ENKUR: variants seen among roughly 807,000 people sequenced by gnomAD.
ENKUR encodes enkurin.
ENKUR carries 19 observed loss-of-function variants against 27.6 expected under a neutral mutation model. The ratio of observed to expected loss-of-function variants is 0.69; its 90% CI spans 0.48 to 1.01. The LOEUF (loss-of-function observed/expected upper bound fraction) is 1.01, where lower values mean the gene tolerates loss of function less well. Among genes scored for constraint, ENKUR ranks in the 50% least tolerant of loss-of-function variants. The pLI is 0.00. For missense variants in ENKUR, 312 were observed against 310.5 expected, an observed-to-expected ratio of 1.00 and a Z score of -0.04; for synonymous variants, 117 against 96.9, an observed-to-expected ratio of 1.21 and a Z score of -1.22.
rs1849904816 is a variant in ENKUR at position 24,990,544 on chromosome 10, GTCT to G, written c.510_512del (p.Glu170del). The stretch of plus-strand genomic sequence containing the variant: ...GGTTTTCCTGGATATAACGATCATA[GTCT>G]TCTTGGGCTTTCTTTATTTCCTCGT... On this transcript the variant is annotated inframe_deletion, in exon 4 of 6. Transcript: ENST00000331161. 3.7e-6 allele frequency: 6 copies of G among 1,613,930 alleles called. No homozygotes were observed. The East Asian group carries it at 1.3e-4, about 36-fold the overall frequency.
Position 25,058,912 on chromosome 10 carries a change from C to T in ENKUR, c.37+2200G>A, listed in dbSNP as rs568867832. On this transcript the variant is annotated intron_variant, in intron 2 of 5. Transcript: ENST00000615958. ...TGCCACTGCACTCCAACCTAGGTGA[C>T]GGAGTGAGACTCCATCTTAAAAAAA... 4.2e-3 allele frequency among the ~76,000 whole-genome samples: 587 copies of T among 138,534 alleles called. 6 individuals are homozygous for T. The highest frequency in any genetic ancestry group is 0.015 in the African/African-American group (530 of 35,790). 90.9% of individuals were successfully genotyped at this position (138,534 alleles called of 152,430 possible).
intron 1 of ENKUR, among the ~76,000 whole-genome samples, chr10:25,011,768 G>A (rs551092631): frequency 1.3e-5 from 2 of 152,230 alleles, no homozygotes; most frequent in African/African-American, 4.8e-5. Context: ...GAGCATAAAA[G>A]TTCAGAAAAT....
chr10:25,055,483 A>G (rs765962762), intron 2 of ENKUR, among the ~76,000 whole-genome samples: 3 of 144,006 alleles, frequency 2.1e-5, no homozygotes, highest in Admixed American at 7.1e-5. Flanking sequence ...GCTTCCCTGT[A>G]GTATAATCTC....
At chr10:25,027,114 G>A (rs1446496875) in intron 2 of ENKUR, among the ~76,000 whole-genome samples, 3 of 151,872 alleles carry the variant, frequency 2.0e-5, no homozygotes, top group Admixed American at 2.0e-4. Context: ...CAGCACTTTG[G>A]GAGGCTGAGG....
rs990631869 is a variant in ENKUR, at chr10:24,990,809, A to G, written c.448-200T>C. ...TCCTGCCTTTTAAAATGGAGTTGTT[A>G]TTGCCCAGGCATAGTGGCTCACACC... On this transcript the variant is annotated intron_variant, in intron 3 of 5. Coordinates refer to ENST00000331161, the MANE Select transcript of ENKUR (RefSeq NM_145010.4). 3.3e-5 allele frequency among the ~76,000 whole-genome samples: 5 copies of G among 152,042 alleles called. No individual in the cohort carries two copies. The South Asian group carries it at 1.0e-3, about 32-fold the overall frequency.
At chr10:25,024,647 G>C (rs1850804810) in intron 2 of ENKUR, 1 of 1,614,196 alleles carries the variant, frequency 6.2e-7, no homozygotes, top group East Asian at 2.2e-5. Flanking sequence ...AACTGGGGCC[G>C]ACTACTTCCG....
At chr10:25,020,408 C>G (rs1321043240), upstream of ENKUR, among the ~76,000 whole-genome samples, 1 of 151,956 alleles carries the variant, frequency 6.6e-6, no homozygotes, top group African/African-American at 2.4e-5. Context: ...TGTTTCCTTA[C>G]AATCTACTTT....
rs5783912 is a variant in ENKUR, at chr10:24,984,382, GA to G, written c.765-7del. 7.3e-3 allele frequency: 10,120 copies of G among 1,395,290 alleles called. 2 individuals carry two copies. The highest frequency in any genetic ancestry group is 8.6e-3 in the Middle Eastern group (39 of 4,540). The allele number at this position is 1,395,290 out of a possible 1,614,324, so 86.4% of individuals were successfully genotyped here. A position where few individuals can be genotyped will look rare whatever the true frequency, so the allele number is the denominator to read the frequency against. ...TGTGCTGTTGGTATCATGCGCTGCA[GA>G]AAAAAAAAAAAAAAAGTGAAGTTCT... On this transcript the variant is annotated splice_polypyrimidine_tract_variant and splice_region_variant and intron_variant, in intron 5 of 5. Transcript: ENST00000331161.
chr10:25,035,307 T>C (rs920512453), intron 2 of ENKUR, among the ~76,000 whole-genome samples: 2 of 152,124 alleles, frequency 1.3e-5, no homozygotes, highest in African/African-American at 4.8e-5. Flanking sequence ...GTAATTCCAG[T>C]ACGTGGGGAG....
Position 24,984,786 on chromosome 10 carries a change from T to C in ENKUR, c.714A>G (p.Glu238=), listed in dbSNP as rs777755940. 2 of 1,613,876 alleles carry C rather than the reference T, an allele frequency of 1.2e-6. No individual in the cohort carries two copies. Among genetic ancestry groups the C allele is most frequent in the East Asian group, 4.5e-5 (2 of 44,858 alleles). ...GCTTTTCAATTATGCCAATGTCGTG[T>C]TCTAGTTGTTTCATTTCTTCTTCCA... The part of the protein sequence containing the change: ...QRLEEEMKQL[E]HDIGIIEKHK... The change falls in exon 5 of 6, where the codon GAA becomes GAG. Residue 238 remains glutamate, a synonymous_variant. Coordinates refer to ENST00000331161, the MANE Select transcript of ENKUR (RefSeq NM_145010.4).
chr10:25,010,065 A>C (rs183885643), intron 1 of ENKUR, among the ~76,000 whole-genome samples: 1 of 152,310 alleles, frequency 6.6e-6, no homozygotes, highest in East Asian at 1.9e-4. Flanking sequence ...AGAGGTTGGA[A>C]CAGTTTGGAG....
chr10:25,002,877 C>T (rs1850219517), intron 1 of ENKUR, among the ~76,000 whole-genome samples: 2 of 151,570 alleles, frequency 1.3e-5, no homozygotes, highest in Admixed American at 6.6e-5. Flanking sequence ...GAAGTTGGGG[C>T]TGGCAGATAT....
rs1850784337 is a variant in ENKUR, at chr10:25,024,083, C to T, written c.38-28214G>A. ...GAGTGGAAAAGCCTAGTAGGAGCAA[C>T]CTACGTAGAAAGAGCACAGATACTG... On this transcript the variant is annotated intron_variant, in intron 2 of 5. Transcript: ENST00000615958. 5 of 1,614,006 alleles carry T rather than the reference C, an allele frequency of 3.1e-6. No homozygotes were observed. The African/African-American group carries it at 5.3e-5, about 17-fold the overall frequency.
At chr10:25,023,651 G>A (rs1231002735) in intron 2 of ENKUR, 4 of 1,614,074 alleles carry the variant, frequency 2.5e-6, no homozygotes, top group Non-Finnish European at 3.4e-6. Context: ...GCTAGCATGT[G>A]GCATCTGAAG....
At chr10:25,054,709 G>C (rs1354144727) in intron 2 of ENKUR, among the ~76,000 whole-genome samples, 1 of 148,488 alleles carries the variant, frequency 6.7e-6, no homozygotes, top group Non-Finnish European at 1.5e-5. Flanking sequence ...CTGAGACAGG[G>C]TCTCACTCTG....
At chr10:25,004,235 CCTA>C in intron 1 of ENKUR, among the ~76,000 whole-genome samples, 1 of 152,116 alleles carries the variant, frequency 6.6e-6, no homozygotes, top group Admixed American at 6.5e-5. Flanking sequence ...CTGCAATGAA[CCTA>C]GGCATGCATG....
intron 2 of ENKUR, among the ~76,000 whole-genome samples, chr10:25,049,967 T>G (rs1305791894): frequency 1.3e-5 from 2 of 152,098 alleles, no homozygotes; most frequent in Non-Finnish European, 2.9e-5. Flanking sequence ...ACAAGCAGCA[T>G]GGTGTCAGCA....
intron 2 of ENKUR, chr10:25,024,477 A>G (rs368715418): frequency 6.2e-7 from 1 of 1,614,236 alleles, no homozygotes; most frequent in Middle Eastern, 1.6e-4. Context: ...TTCAAAAAGC[A>G]CAAATAATTG....
intron 1 of ENKUR, among the ~76,000 whole-genome samples, chr10:25,009,357 T>C (rs561277841): frequency 3.3e-5 from 5 of 152,162 alleles, no homozygotes; most frequent in African/African-American, 1.2e-4. Context: ...AGAGAAGCAA[T>C]GATTGCATAA....
Sources: gnomAD v4.1 joint callset for allele counts (sites outside exome capture counted in the v4.1 genomes callset) on GRCh38, gnomAD v4.1.1 for gene constraint, MANE v1.5 for transcripts, NCBI Gene and HGNC (gene_info 2026-07-23, HGNC 2026-07-21) for gene names.